The following SNTG1 variants were observed in gnomAD, a reference collection of about 807,000 sequenced individuals.
The protein encoded by SNTG1 is gamma-1-syntrophin.
Under a neutral mutation model 74.7 loss-of-function variants are expected in SNTG1, and 39 were observed. The observed-to-expected ratio is 0.52, with a 90% CI of 0.40 to 0.68. The LOEUF (loss-of-function observed/expected upper bound fraction) is 0.68. Among genes scored for constraint, SNTG1 ranks in the 30% least tolerant of loss-of-function variants. SNTG1 has a pLI of 0.00. For missense variants in SNTG1, 685 were observed against 609.5 expected (o/e 1.12, Z -1.30); for synonymous variants, 254 against 217.1 (o/e 1.17, Z -1.49).
intron 5 of SNTG1, among the ~76,000 whole-genome samples, chr8:50,439,620 A>G (rs773288814): frequency 2.6e-5 from 4 of 151,984 alleles, no homozygotes; most frequent in Non-Finnish European, 5.9e-5. Context: ...CTTATCACCA[A>G]CTAAGACCAG....
At chr8:50,766,399 G>A (rs1350670939) in intron 18 of SNTG1, among the ~76,000 whole-genome samples, 1 of 151,912 alleles carries the variant, frequency 6.6e-6, no homozygotes, top group Non-Finnish European at 1.5e-5. Context: ...GCTTACTGCT[G>A]ATTTGGGAAT....
chr8:50,047,194 C>A (rs1201965447), intron 1 of SNTG1, among the ~76,000 whole-genome samples: 1 of 151,916 alleles, frequency 6.6e-6, no homozygotes, highest in Non-Finnish European at 1.5e-5. Context: ...CAAATGTTAG[C>A]CAGGTATGGT....
intron 2 of SNTG1, among the ~76,000 whole-genome samples, chr8:50,376,756 T>TATATAGAGAGAG (rs1381048539): frequency 1.7e-3 from 152 of 89,948 alleles, no homozygotes; most frequent in Non-Finnish European, 3.1e-3. Flanking sequence ...TATATATATA[T>TATATAGAGAGAG]AGAGAGAGAG....
chr8:50,420,951 G>T (rs2093074239), intron 4 of SNTG1, among the ~76,000 whole-genome samples: 1 of 147,542 alleles, frequency 6.8e-6, no homozygotes, highest in African/African-American at 2.5e-5. Context: ...TTTGAACCAA[G>T]GAGGTGGAGG....
chr8:50,206,085 T>G (rs2084220283), intron 2 of SNTG1, among the ~76,000 whole-genome samples: 1 of 152,108 alleles, frequency 6.6e-6, no homozygotes, highest in African/African-American at 2.4e-5. Flanking sequence ...TTTAAAGTAG[T>G]TTTTTCCGAT....
chr8:50,305,918 T>A (rs1312817822), intron 2 of SNTG1, among the ~76,000 whole-genome samples: 1 of 145,470 alleles, frequency 6.9e-6, no homozygotes, highest in African/African-American at 2.5e-5. Context: ...AAAAAAAAAC[T>A]GTTTCAATAG....
chr8:50,711,644 T>C (rs2095461955), intron 17 of SNTG1, among the ~76,000 whole-genome samples: 1 of 152,198 alleles, frequency 6.6e-6, no homozygotes, highest in Non-Finnish European at 1.5e-5. Context: ...AATGTCGAGC[T>C]AATTCTCATT....
chr8:50,276,120 C>T (rs1393854678), intron 2 of SNTG1, among the ~76,000 whole-genome samples: 1 of 152,014 alleles, frequency 6.6e-6, no homozygotes, highest in South Asian at 2.1e-4. Context: ...AAGCATAACT[C>T]ATTTAAAGAG....
At chr8:50,573,537 A>C (rs1343866433) in intron 12 of SNTG1, among the ~76,000 whole-genome samples, 3 of 151,924 alleles carry the variant, frequency 2.0e-5, no homozygotes, top group African/African-American at 7.2e-5. Context: ...GATTTCCTGA[A>C]AGTGAATATT....
chr8:50,203,914 T>A (rs2084092519), intron 2 of SNTG1, among the ~76,000 whole-genome samples: 1 of 152,050 alleles, frequency 6.6e-6, no homozygotes, highest in Non-Finnish European at 1.5e-5. Flanking sequence ...TTGTAGCAAA[T>A]CTATATTTTT....
At chr8:50,437,006 A>G (rs1020828011) in intron 4 of SNTG1, among the ~76,000 whole-genome samples, 1 of 152,180 alleles carries the variant, frequency 6.6e-6, no homozygotes, top group Non-Finnish European at 1.5e-5. Context: ...TATTTAATAC[A>G]AATAGTTCAT....
At chr8:50,452,938 C>A (rs551545024) in intron 8 of SNTG1, among the ~76,000 whole-genome samples, 1 of 152,302 alleles carries the variant, frequency 6.6e-6, no homozygotes, top group Admixed American at 6.5e-5. Context: ...TGGTTTTGAG[C>A]TAGCATGCTG....
At chr8:50,151,929 C>T (rs1401065895) in intron 1 of SNTG1, among the ~76,000 whole-genome samples, 1 of 152,150 alleles carries the variant, frequency 6.6e-6, no homozygotes, top group Admixed American at 6.6e-5. Flanking sequence ...ATTAGGTCAG[C>T]TTGGTGCCGA....
At position 50,209,167 on chromosome 8, in the gene SNTG1, C is replaced by T. The variant is rs551135787; in HGVS notation, c.-28+36532C>T. Among the ~76,000 whole-genome samples, 583 of 152,226 alleles carry T rather than the reference C, an allele frequency of 3.8e-3. 5 individuals are homozygous for T. The highest frequency in any genetic ancestry group is 0.013 in the African/African-American group (548 of 41,536). On this transcript the variant is annotated intron_variant, in intron 2 of 18. Coordinates refer to ENST00000642720, the MANE Select transcript of SNTG1 (RefSeq NM_018967.5). ...ATCGAACTGCAAGGTGGCAGTGAGG[C>T]TGGGGGAGGGGTGCCCGCCATTGCT...
chr8:49,931,784 C>T (rs1486263), intron 1 of SNTG1, among the ~76,000 whole-genome samples: 14,119 of 151,934 alleles, frequency 0.093, 917 homozygotes, highest in South Asian at 0.2. Flanking sequence ...CAACAAGATA[C>T]AAAAGGAAAA....
chr8:49,924,282 T>C (rs1223333945), intron 1 of SNTG1, among the ~76,000 whole-genome samples: 1 of 152,048 alleles, frequency 6.6e-6, no homozygotes, highest in Non-Finnish European at 1.5e-5. Flanking sequence ...ATGTACTTTA[T>C]AGAGGAAAAA....
intron 2 of SNTG1, among the ~76,000 whole-genome samples, chr8:50,331,479 A>T (rs144202920): frequency 1.3e-5 from 2 of 152,330 alleles, no homozygotes; most frequent in Non-Finnish European, 2.9e-5. Flanking sequence ...AGTCTGGAAG[A>T]ATCAAACAAG....
chr8:49,910,259 C>T (rs1160465702), upstream of SNTG1, among the ~76,000 whole-genome samples: 1 of 152,146 alleles, frequency 6.6e-6, no homozygotes, highest in Non-Finnish European at 1.5e-5. Flanking sequence ...TCCCACAGCC[C>T]GGGAGAAATT....
At chr8:50,522,983 T>C (rs2094192377) in intron 9 of SNTG1, among the ~76,000 whole-genome samples, 1 of 152,326 alleles carries the variant, frequency 6.6e-6, no homozygotes, top group Admixed American at 6.5e-5. Context: ...TATTCATCAT[T>C]AATCCTAGCC....
Sources: allele counts gnomAD v4.1 joint callset (sites outside exome capture counted in the v4.1 genomes callset), GRCh38; gene constraint gnomAD v4.1.1; transcripts MANE v1.5; gene names NCBI Gene and HGNC (gene_info 2026-07-23, HGNC 2026-07-21).